Variants in SORCS1 observed in about 807,000 individuals in gnomAD.
SORCS1 encodes the protein VPS10 domain-containing receptor SorCS1.
A neutral mutation model predicts 146.1 loss-of-function variants in SORCS1; 60 were observed. The observed-to-expected ratio is 0.41, with a 90% confidence interval of 0.33 to 0.51. SORCS1 has a LOEUF of 0.51. Ranked by LOEUF, SORCS1 falls within the 20% of genes least tolerant of loss-of-function variation. The pLI is 0.21. For synonymous variants in SORCS1, 637 were observed against 584.0 expected (o/e 1.09, Z -1.31); for missense variants, 1,352 against 1,487.6 (o/e 0.91, Z 1.50).
chr10:106,850,072 T>C (rs1949489059), intron 2 of SORCS1, among the ~76,000 whole-genome samples: 1 of 152,026 alleles, frequency 6.6e-6, no homozygotes, highest in South Asian at 2.1e-4. Flanking sequence ...AGGTGGAGTG[T>C]ACAGAGGCAG....
intron 1 of SORCS1, among the ~76,000 whole-genome samples, chr10:107,162,879 A>G (rs1175833947): frequency 1.3e-5 from 2 of 152,222 alleles, no homozygotes; most frequent in African/African-American, 4.8e-5. Context: ...TTGAAGCTGT[A>G]AAACTTGAAA....
intron 1 of SORCS1, among the ~76,000 whole-genome samples, chr10:107,027,290 G>A (rs1448698369): frequency 2.0e-5 from 3 of 151,934 alleles, no homozygotes; most frequent in Non-Finnish European, 4.4e-5. Context: ...GGATAATGAT[G>A]TTGTTAGGGG....
At position 107,065,510 on chromosome 10, in the gene SORCS1, C is replaced by CTT. The variant is rs1564992593; in HGVS notation, c.558+98458_558+98459insAA. 5.0e-3 allele frequency among the ~76,000 whole-genome samples: 430 copies of CTT among 85,964 alleles called. 23 individuals carry two copies. Among genetic ancestry groups the CTT allele is most frequent in the African/African-American group, 0.021 (406 of 18,898 alleles). The allele number at this position is 85,964 out of a possible 152,430, so 56.4% of individuals were successfully genotyped here. A position where few individuals can be genotyped will look rare whatever the true frequency, so the allele number is the denominator to read the frequency against. ...CTCCTCTCCTCTCCTCTCCTCTCCT[C>CTT]TCTTTCTTTCTTTCTTTCTTTCTCT... On this transcript the variant is annotated intron_variant, in intron 1 of 25. Coordinates refer to ENST00000263054, the MANE Select transcript of SORCS1 (RefSeq NM_052918.5).
chr10:106,661,136 A>G, intron 17 of SORCS1, among the ~76,000 whole-genome samples: 1 of 152,234 alleles, frequency 6.6e-6, no homozygotes, highest in East Asian at 1.9e-4. Flanking sequence ...TCACTGAATG[A>G]GCTTGTGCTT....
rs115635811 is a variant in SORCS1 at position 106,860,518 on chromosome 10, C to T, written c.627-30845G>A. 3.5e-3 allele frequency among the ~76,000 whole-genome samples: 526 copies of T among 152,266 alleles called. 6 individuals carry two copies. The highest frequency in any genetic ancestry group is 0.012 in the African/African-American group (513 of 41,548). On this transcript the variant is annotated intron_variant, in intron 2 of 25. Transcript: ENST00000263054. ...CCTCACTGAGTTCTCTAACATCGCA[C>T]GAGTTAAGTACTGGTATGATCCACA...
intron 1 of SORCS1, among the ~76,000 whole-genome samples, chr10:106,992,817 TC>T (rs1564899159): frequency 1.6e-3 from 206 of 125,192 alleles, no homozygotes; most frequent in African/African-American, 6.6e-3. Context: ...TTTCTTCCTT[TC>T]TTTCTTTCTT....
At chr10:106,666,240 G>T (rs573097973) in intron 17 of SORCS1, among the ~76,000 whole-genome samples, 1 of 152,334 alleles carries the variant, frequency 6.6e-6, no homozygotes, top group Admixed American at 6.5e-5. Flanking sequence ...ATCAGCTGAA[G>T]GCCTGAATTC....
intron 3 of SORCS1, among the ~76,000 whole-genome samples, chr10:106,803,213 T>A (rs1247635349): frequency 2.6e-5 from 4 of 152,124 alleles, no homozygotes; most frequent in Non-Finnish European, 4.4e-5. Context: ...AATGTACCAA[T>A]AAATGAAAAT....
chr10:106,633,039 G>C (rs1194245921), intron 18 of SORCS1, among the ~76,000 whole-genome samples: 1 of 152,048 alleles, frequency 6.6e-6, no homozygotes, highest in East Asian at 1.9e-4. Flanking sequence ...AAAAGAGAGA[G>C]AGAACAAGAA....
chr10:106,766,583 A>G (rs867583245), intron 4 of SORCS1, among the ~76,000 whole-genome samples: 1 of 152,196 alleles, frequency 6.6e-6, no homozygotes, highest in Non-Finnish European at 1.5e-5. Flanking sequence ...GGGAACCAAA[A>G]TCTACAACAC....
At chr10:106,911,316 G>A (rs1320318294) in intron 2 of SORCS1, among the ~76,000 whole-genome samples, 2 of 152,198 alleles carry the variant, frequency 1.3e-5, no homozygotes, top group Admixed American at 6.5e-5. Context: ...ACAGCAGAGT[G>A]TACCACCATC....
At chr10:107,075,876 C>T (rs1018644712) in intron 1 of SORCS1, among the ~76,000 whole-genome samples, 11 of 152,098 alleles carry the variant, frequency 7.2e-5, no homozygotes, top group East Asian at 1.9e-4. Context: ...TTTCAGGCAA[C>T]GATTTTCTTA....
At chr10:106,804,093 A>G (rs1947045437) in intron 3 of SORCS1, among the ~76,000 whole-genome samples, 1 of 152,166 alleles carries the variant, frequency 6.6e-6, no homozygotes, top group Non-Finnish European at 1.5e-5. Context: ...GCCACAGGTA[A>G]TCTAAACAAA....
At chr10:106,946,998 G>A (rs1308904873) in intron 2 of SORCS1, among the ~76,000 whole-genome samples, 1 of 152,144 alleles carries the variant, frequency 6.6e-6, no homozygotes, top group African/African-American at 2.4e-5. Flanking sequence ...TGAGGAGTGA[G>A]GGAGAAAGAG....
At chr10:106,840,124 A>G (rs556916624) in intron 2 of SORCS1, among the ~76,000 whole-genome samples, 1 of 152,348 alleles carries the variant, frequency 6.6e-6, no homozygotes, top group Non-Finnish European at 1.5e-5. Context: ...TTTAAGAAAT[A>G]CACTTTGTAA....
At chr10:106,995,140 G>A (rs988692370) in intron 1 of SORCS1, among the ~76,000 whole-genome samples, 2 of 151,756 alleles carry the variant, frequency 1.3e-5, no homozygotes, top group Non-Finnish European at 2.9e-5. Flanking sequence ...GTGAAACCCC[G>A]CCTCTACTAA....
At chr10:106,970,441 C>T (rs891685818) in intron 1 of SORCS1, among the ~76,000 whole-genome samples, 16 of 147,582 alleles carry the variant, frequency 1.1e-4, no homozygotes, top group South Asian at 1.1e-3. Flanking sequence ...TGGGTTCAAG[C>T]GATTCTCCTG....
intron 18 of SORCS1, among the ~76,000 whole-genome samples, chr10:106,642,082 T>C (rs1203671982): frequency 1.3e-5 from 2 of 152,160 alleles, no homozygotes; most frequent in Admixed American, 6.5e-5. Flanking sequence ...TCTCTAATGG[T>C]TTAGATGAAA....
rs182674989 is a variant in SORCS1, at chr10:106,692,319, G to A, written c.1414-3981C>T. ...TGGGCTCAAGCAAGCCACCTGCCTT[G>A]GCCTCCCAAAGTGCTGGGATTCCAG... is the stretch of plus-strand genomic sequence containing the variant. On this transcript the variant is annotated intron_variant, in intron 9 of 25. Coordinates refer to ENST00000263054, the MANE Select transcript of SORCS1 (RefSeq NM_052918.5). Among the ~76,000 whole-genome samples, 193 of 152,238 alleles carry A rather than the reference G, an allele frequency of 1.3e-3. 1 individual carries two copies. Among genetic ancestry groups the A allele is most frequent in the Admixed American group, 0.012 (183 of 15,294 alleles).
Sources: gnomAD v4.1 joint callset for allele counts (sites outside exome capture counted in the v4.1 genomes callset) on GRCh38, gnomAD v4.1.1 for gene constraint, MANE v1.5 for transcripts, NCBI Gene and HGNC (gene_info 2026-07-23, HGNC 2026-07-21) for gene names.